SNX7: variants seen among roughly 807,000 people sequenced by gnomAD.
SNX7 encodes the protein sorting nexin 7.
SNX7 carries 35 observed loss-of-function variants against 48.4 expected under a neutral mutation model. That is an observed-to-expected ratio of 0.72 (90% confidence interval 0.55 to 0.96). The LOEUF (loss-of-function observed/expected upper bound fraction) is 0.96, where lower values mean the gene tolerates loss of function less well. Ranked by LOEUF, SNX7 falls within the 40% of genes least tolerant of loss-of-function variation. The pLI is 0.00. For missense variants in SNX7, 553 were observed against 548.9 expected (o/e 1.01, Z -0.07); for synonymous variants, 190 against 190.2 (o/e 1.00, Z 0.01).
intron 5 of SNX7, among the ~76,000 whole-genome samples, chr1:98,696,317 T>G (rs1173782839): frequency 6.6e-6 from 1 of 152,144 alleles, no homozygotes; most frequent in Admixed American, 6.5e-5. Flanking sequence ...TAATATAATT[T>G]GTTATTAGAG....
intron 8 of SNX7, among the ~76,000 whole-genome samples, chr1:98,749,945 C>T (rs1313710250): frequency 2.6e-5 from 4 of 151,892 alleles, no homozygotes; most frequent in African/African-American, 9.7e-5. Context: ...GTCATATTTC[C>T]AATTGGTAGC....
At chr1:98,752,241 T>A (rs1244406478) in intron 8 of SNX7, among the ~76,000 whole-genome samples, 7 of 152,088 alleles carry the variant, frequency 4.6e-5, no homozygotes, top group Non-Finnish European at 8.8e-5. Flanking sequence ...ATATATTTCT[T>A]GAGTTTTTCC....
chr1:98,746,533 A>G (rs1654316899), intron 8 of SNX7, among the ~76,000 whole-genome samples: 1 of 152,078 alleles, frequency 6.6e-6, no homozygotes, highest in African/African-American at 2.4e-5. Flanking sequence ...TTATGGAGTA[A>G]TTGTCTGAAA....
intron 5 of SNX7, among the ~76,000 whole-genome samples, chr1:98,697,774 A>G (rs1179052831): frequency 6.6e-6 from 1 of 152,158 alleles, no homozygotes; most frequent in Non-Finnish European, 1.5e-5. Context: ...ATAGAAGTAT[A>G]AAATTATGAT....
chr1:98,739,243 C>T (rs917443998), intron 8 of SNX7, among the ~76,000 whole-genome samples: 2 of 152,044 alleles, frequency 1.3e-5, no homozygotes, highest in African/African-American at 4.8e-5. Context: ...GAGTAGAGCT[C>T]AGGCAGTAAT....
At chr1:98,729,725 C>T (rs1373300173) in intron 7 of SNX7, among the ~76,000 whole-genome samples, 3 of 152,010 alleles carry the variant, frequency 2.0e-5, no homozygotes, top group African/African-American at 7.3e-5. Context: ...AAGTTGAATC[C>T]TTGAATAGAC....
At chr1:98,732,874 C>G (rs543481192) in intron 7 of SNX7, among the ~76,000 whole-genome samples, 1 of 152,224 alleles carries the variant, frequency 6.6e-6, no homozygotes, top group East Asian at 1.9e-4. Flanking sequence ...GGAGAGAGGT[C>G]TCTCCCAAAA....
At chr1:98,685,573 G>A (rs1003761562) in intron 2 of SNX7, among the ~76,000 whole-genome samples, 5 of 152,072 alleles carry the variant, frequency 3.3e-5, no homozygotes, top group South Asian at 2.1e-4. Flanking sequence ...CTCTTTAATC[G>A]TAGGGCGAAG....
chr1:98,662,725 A>G (rs1649315019), intron 1 of SNX7: 6 of 1,289,342 alleles, frequency 4.7e-6, no homozygotes, highest in South Asian at 1.2e-5. Flanking sequence ...CAGTTTCTCA[A>G]GTTGCTGCTG....
chr1:98,698,837 A>T lies in SNX7; in HGVS notation c.970A>T (p.Met324Leu). The T allele has an allele frequency of 6.2e-7, 1 of 1,613,836 alleles. No individual in the cohort carries two copies. The highest frequency in any genetic ancestry group is 8.5e-7 in the Non-Finnish European group (1 of 1,179,816). The change falls in exon 6 of 9, where the codon ATG (methionine) becomes TTG (leucine). Residue 324 changes from methionine (M) to leucine (L), a missense_variant. Transcript: ENST00000306121. Reference sequence around the variant, plus strand: ...ATGCTGTAAGGCCACTGAAAAGCGGATGTCTGGACTCTCAGAGGCCCTGCT... The same window carrying T: ...ATGCTGTAAGGCCACTGAAAAGCGGTTGTCTGGACTCTCAGAGGCCCTGCT... ...DRCCKATEKR[M>L]SGLSEALLPV... is the part of the protein sequence containing the mutation.
At chr1:98,694,595 G>GTTTTT (rs1557802551) in intron 4 of SNX7, among the ~76,000 whole-genome samples, 4 of 71,242 alleles carry the variant, frequency 5.6e-5, no homozygotes, top group Admixed American at 1.7e-4. Flanking sequence ...ATTGCTCTGG[G>GTTTTT]ATTTTTTTTT....
At chr1:98,727,357 C>T (rs1349394198) in intron 7 of SNX7, among the ~76,000 whole-genome samples, 1 of 152,110 alleles carries the variant, frequency 6.6e-6, no homozygotes, top group South Asian at 2.1e-4. Context: ...CACAAAAACC[C>T]ATCCAAAGCT....
intron 8 of SNX7, among the ~76,000 whole-genome samples, chr1:98,753,179 G>C (rs527936636): frequency 6.6e-6 from 1 of 152,170 alleles, no homozygotes; most frequent in East Asian, 1.9e-4. Flanking sequence ...ATTCATATCA[G>C]TATATGGCAG....
At chr1:98,735,408 G>C (rs895109214) in intron 7 of SNX7, among the ~76,000 whole-genome samples, 1 of 151,932 alleles carries the variant, frequency 6.6e-6, no homozygotes, top group African/African-American at 2.4e-5. Context: ...TGAATAACTC[G>C]TCAAAGAAAG....
In SNX7 at chr1:98,728,340, G is replaced by A. The variant is rs1389253297; in HGVS notation, c.1126-9897G>A. On this transcript the variant is annotated intron_variant, in intron 7 of 8. Coordinates refer to ENST00000306121, the MANE Select transcript of SNX7 (RefSeq NM_015976.5). ...CCTTTTCAGACAAGCAAATGCTGAG[G>A]GAATTCATCACCACCAGGCCTGCCT... is the stretch of plus-strand genomic sequence containing the variant. Among the ~76,000 whole-genome samples the A allele has an allele frequency of 7.9e-5, 12 of 152,244 alleles. 1 individual carries two copies. Among genetic ancestry groups the A allele is most frequent in the East Asian group, 3.9e-4 (2 of 5,188 alleles).
At chr1:98,732,506 G>A (rs755834863) in intron 7 of SNX7, among the ~76,000 whole-genome samples, 5 of 152,104 alleles carry the variant, frequency 3.3e-5, no homozygotes, top group South Asian at 2.1e-4. Flanking sequence ...ATAGAGTAGC[G>A]ACCTGTGGAG....
At chr1:98,714,138 TAGTC>T (rs1652463506) in intron 7 of SNX7, among the ~76,000 whole-genome samples, 2 of 152,212 alleles carry the variant, frequency 1.3e-5, no homozygotes, top group South Asian at 2.1e-4. Context: ...TGGTGAATCT[TAGTC>T]AGTAGTCAAT....
At chr1:98,710,296 A>C (rs1255389360) in intron 7 of SNX7, among the ~76,000 whole-genome samples, 1 of 152,198 alleles carries the variant, frequency 6.6e-6, no homozygotes, top group Admixed American at 6.6e-5. Flanking sequence ...TTGATGAATA[A>C]GGCCTGTGTA....
intron 8 of SNX7, among the ~76,000 whole-genome samples, chr1:98,748,485 G>C (rs568723174): frequency 6.6e-6 from 1 of 152,004 alleles, no homozygotes; most frequent in Non-Finnish European, 1.5e-5. Context: ...AGGGATTTGC[G>C]TAGAAGGAGA....
Sources: allele counts gnomAD v4.1 joint callset (sites outside exome capture counted in the v4.1 genomes callset), GRCh38; gene constraint gnomAD v4.1.1; transcripts MANE v1.5; gene names NCBI Gene and HGNC (gene_info 2026-07-23, HGNC 2026-07-21).